The following FBXO21 variants were observed in gnomAD, a reference collection of about 807,000 sequenced individuals.
FBXO21 encodes the protein F-box protein 21.
FBXO21 carries 32 observed loss-of-function variants against 76.6 expected under a neutral mutation model. The ratio of observed to expected loss-of-function variants is 0.42; its 90% CI spans 0.32 to 0.56. FBXO21 has a LOEUF of 0.56. FBXO21 is among the 20% of genes least tolerant of loss of function. The probability of loss-of-function intolerance (pLI) is 0.16; values close to 1 mark genes in which losing one functional copy is unlikely to be tolerated. For missense variants in FBXO21, 586 were observed against 797.3 expected (o/e 0.73, Z 3.19); for synonymous variants, 328 against 311.5 (o/e 1.05, Z -0.56).
At chr12:117,190,125 G>A in intron 1 of FBXO21, 93 bp downstream of exon 1, 6 of 635,122 alleles carry the variant, frequency 9.4e-6, no homozygotes, top group Non-Finnish European at 1.2e-5. Flanking sequence ...GTCCGCGCGC[G>A]GGGCGGCCGC....
At chr12:117,160,152 C>T (rs1955961519) in intron 9 of FBXO21, among the ~76,000 whole-genome samples, 1 of 152,208 alleles carries the variant, frequency 6.6e-6, no homozygotes, top group Admixed American at 6.5e-5. Context: ...AGACACTAGG[C>T]TTTGGGGGCT....
At chr12:117,175,473 C>G (rs1477419518) in intron 4 of FBXO21, among the ~76,000 whole-genome samples, 1 of 152,160 alleles carries the variant, frequency 6.6e-6, no homozygotes, top group Admixed American at 6.5e-5. Context: ...GTAAGGACAC[C>G]GTTATGTGGG....
intron 11 of FBXO21, among the ~76,000 whole-genome samples, chr12:117,151,606 AAT>A (rs764810987): frequency 6.6e-6 from 1 of 152,248 alleles, no homozygotes; most frequent in Non-Finnish European, 1.5e-5. Context: ...AAAAATATTT[AAT>A]ATGTGTTTTT....
rs371218324 is a variant in FBXO21, at chr12:117,146,297, C to G, written c.1676-20G>C. On this transcript the variant is annotated intron_variant, in intron 11 of 11. Transcript: ENST00000622495. The stretch of plus-strand genomic sequence containing the variant: ...AGTTTTCTGTTGGTAAAGAGGCACA[C>G]GGGCATTCTCATTACAATGTCCATT... 3 of 1,581,934 alleles carry G rather than the reference C, an allele frequency of 1.9e-6. No homozygotes were observed. The highest frequency in any genetic ancestry group is 2.2e-5 in the East Asian group (1 of 44,620).
chr12:117,183,261 T>C (rs1253376048), intron 3 of FBXO21, among the ~76,000 whole-genome samples: 1 of 152,020 alleles, frequency 6.6e-6, no homozygotes, highest in African/African-American at 2.4e-5. Flanking sequence ...AACACTTTTT[T>C]TTTTTTGAGA....
chr12:117,156,954 C>T (rs373243052), intron 10 of FBXO21, among the ~76,000 whole-genome samples: 2 of 152,012 alleles, frequency 1.3e-5, no homozygotes, highest in African/African-American at 2.4e-5. Context: ...GAGCCTGAGA[C>T]GGCAGATCAC....
At chr12:117,168,450 G>A (rs990413606) in intron 7 of FBXO21, among the ~76,000 whole-genome samples, 1 of 152,046 alleles carries the variant, frequency 6.6e-6, no homozygotes, top group Non-Finnish European at 1.5e-5. Context: ...CTTGAACCCA[G>A]GAAGCGGAGG....
At chr12:117,156,497 T>A (rs182415248) in intron 10 of FBXO21, among the ~76,000 whole-genome samples, 1 of 152,262 alleles carries the variant, frequency 6.6e-6, no homozygotes, top group East Asian at 1.9e-4. Flanking sequence ...GATGTGATAA[T>A]AAGATGTTAA....
intron 10 of FBXO21, among the ~76,000 whole-genome samples, chr12:117,157,055 C>T (rs1218029551): frequency 2.0e-5 from 3 of 151,848 alleles, no homozygotes; most frequent in African/African-American, 7.3e-5. Context: ...TGGTGGTGTG[C>T]GCCTGTAGTC....
intron 7 of FBXO21, among the ~76,000 whole-genome samples, chr12:117,169,401 A>G (rs1241525485): frequency 6.6e-6 from 1 of 152,102 alleles, no homozygotes; most frequent in South Asian, 2.1e-4. Context: ...CTGCACAACA[A>G]ACCCCCATAA....
At chr12:117,163,490 G>A (rs772697805) in intron 9 of FBXO21, among the ~76,000 whole-genome samples, 4 of 152,056 alleles carry the variant, frequency 2.6e-5, no homozygotes, top group Non-Finnish European at 4.4e-5. Flanking sequence ...CCAAGATTGC[G>A]CCACTGCACT....
At chr12:117,155,481 G>C in intron 11 of FBXO21, 1 of 344,730 alleles carries the variant, frequency 2.9e-6, no homozygotes, top group Admixed American at 4.2e-5. Context: ...GGGAGGAGCC[G>C]AGGGCAGGGT....
rs76604327 is a variant in FBXO21, at chr12:117,177,508, G to A, written c.592+12C>T. Reference sequence around the variant, plus strand: ...GAAATACTACTGTCCACATATATGGGAAAAGACCCACCTTCAAGATACGAC... The same window carrying A: ...GAAATACTACTGTCCACATATATGGAAAAAGACCCACCTTCAAGATACGAC... On this transcript the variant is annotated intron_variant, in intron 4 of 11. Transcript: ENST00000622495. 2 of 1,610,722 alleles carry A rather than the reference G, an allele frequency of 1.2e-6. No homozygotes were observed. The highest frequency in any genetic ancestry group is 8.5e-7 in the Non-Finnish European group (1 of 1,178,520).
chr12:117,170,100 T>G (rs990772237), intron 7 of FBXO21, among the ~76,000 whole-genome samples: 3 of 145,328 alleles, frequency 2.1e-5, no homozygotes, highest in Non-Finnish European at 4.5e-5. Flanking sequence ...CTGTATATCA[T>G]TAATACTTAA....
intron 11 of FBXO21, chr12:117,155,465 T>C (rs1209804287): frequency 6.9e-6 from 2 of 289,468 alleles, no homozygotes; most frequent in Non-Finnish European, 1.3e-5. Flanking sequence ...GGTTCCCTTC[T>C]AGTCTGGGAG....
In FBXO21 at chr12:117,175,304, C is replaced by T. The variant is rs138962258; in HGVS notation, c.593-507G>A. ...GGTGAACAGTAAATGGATTCTGGAG[C>T]TAACCCCACTTTCCAATGAGATAAA... is the stretch of plus-strand genomic sequence containing the variant. On this transcript the variant is annotated intron_variant, in intron 4 of 11. Coordinates refer to ENST00000622495, the MANE Select transcript of FBXO21 (RefSeq NM_015002.3). Among the ~76,000 whole-genome samples the T allele has an allele frequency of 2.4e-3, 364 of 152,354 alleles. 1 individual carries two copies. Among genetic ancestry groups the T allele is most frequent in the African/African-American group, 8.5e-3 (355 of 41,566 alleles).
At chr12:117,149,542 A>G (rs1000092165) in intron 11 of FBXO21, among the ~76,000 whole-genome samples, 6 of 152,194 alleles carry the variant, frequency 3.9e-5, no homozygotes, top group African/African-American at 1.4e-4. Context: ...GACATCTGGT[A>G]AGGCCTGCAG....
At chr12:117,150,813 A>T (rs1187750854) in intron 11 of FBXO21, among the ~76,000 whole-genome samples, 1 of 150,820 alleles carries the variant, frequency 6.6e-6, no homozygotes, top group Non-Finnish European at 1.5e-5. Flanking sequence ...CCCCACCCCC[A>T]TGCAGGGGAT....
chr12:117,154,295 C>A (rs1355192700), intron 11 of FBXO21: 1 of 152,254 alleles, frequency 6.6e-6, no homozygotes, highest in Non-Finnish European at 1.5e-5. Context: ...TGAGACAGGG[C>A]AAGCGACCTG....
Sources: allele counts gnomAD v4.1 joint callset (sites outside exome capture counted in the v4.1 genomes callset), GRCh38; gene constraint gnomAD v4.1.1; transcripts MANE v1.5; gene names NCBI Gene and HGNC (gene_info 2026-07-23, HGNC 2026-07-21).